PGBD5: variants seen among roughly 807,000 people sequenced by gnomAD.
PGBD5 encodes the protein piggyBac transposable element derived 5, also known as piggyBac transposable element-derived protein 5.
In PGBD5, 14 loss-of-function variants were observed where a neutral mutation model predicts 47.9. That is an observed-to-expected ratio of 0.29 (90% CI 0.19 to 0.46). The LOEUF is 0.46. Ranked by LOEUF, PGBD5 falls within the 20% of genes least tolerant of loss-of-function variation. The pLI is 1.00. For missense variants in PGBD5, 635 were observed against 716.0 expected (o/e 0.89, Z 1.29); for synonymous variants, 316 against 306.3 (o/e 1.03, Z -0.33).
rs778876676 is a variant in PGBD5 at position 230,332,992 on chromosome 1, G to A, written c.1125C>T (p.Gly375=). The part of the protein sequence containing the change: ...LLRARKSDCT[G]LPLSMLTNPA... ...GGTTGGTCAGCATGGACAGTGGGAG[G>A]CCGGTGCAGTCACTCTTCCGCGCGC... The change falls in exon 5 of 7, where the codon GGC becomes GGT. Residue 375 remains glycine (G), a synonymous_variant. Transcript: ENST00000391860. 3.1e-6 allele frequency: 5 copies of A among 1,613,076 alleles called. No homozygotes were observed. The highest frequency in any genetic ancestry group is 2.7e-5 in the African/African-American group (2 of 74,932).
At chr1:230,367,244 G>C (rs1313902289) in intron 1 of PGBD5, among the ~76,000 whole-genome samples, 1 of 152,034 alleles carries the variant, frequency 6.6e-6, no homozygotes, top group Non-Finnish European at 1.5e-5. Flanking sequence ...GCCTCCTCTT[G>C]TTCACTGGGC....
chr1:230,375,252 T>C (rs1053433602), intron 1 of PGBD5, among the ~76,000 whole-genome samples: 5 of 152,218 alleles, frequency 3.3e-5, no homozygotes, highest in Non-Finnish European at 5.9e-5. Context: ...CACTTGTTTG[T>C]CCTTTCCATT....
intron 5 of PGBD5, among the ~76,000 whole-genome samples, chr1:230,332,031 A>C (rs1667226792): frequency 4.1e-5 from 6 of 146,332 alleles, no homozygotes; most frequent in Non-Finnish European, 7.5e-5. Context: ...CACACCACAC[A>C]CACACCACAC....
chr1:230,424,246 G>A (rs1220846474), intron 1 of PGBD5, among the ~76,000 whole-genome samples: 6 of 152,178 alleles, frequency 3.9e-5, no homozygotes, highest in Non-Finnish European at 8.8e-5. Context: ...AGGGCCAGGA[G>A]ACCTTAATGA....
At chr1:230,337,069 G>T (rs751932501) in intron 4 of PGBD5, 39 bp downstream of exon 4, 16 of 1,597,542 alleles carry the variant, frequency 1.0e-5, no homozygotes, top group East Asian at 2.2e-5. Flanking sequence ...TCCCAGGGGA[G>T]GCTGGGCCGT....
intron 3 of PGBD5, among the ~76,000 whole-genome samples, chr1:230,346,772 C>T (rs1412706002): frequency 1.3e-5 from 2 of 152,084 alleles, no homozygotes; most frequent in Non-Finnish European, 2.9e-5. Flanking sequence ...TGTAGTCCTG[C>T]GACGTACAGA....
chr1:230,335,028 G>C (rs1461961162), intron 4 of PGBD5, among the ~76,000 whole-genome samples: 3 of 142,074 alleles, frequency 2.1e-5, no homozygotes, highest in African/African-American at 7.6e-5. Flanking sequence ...ACTCGACACA[G>C]ACACACACAC....
intron 1 of PGBD5, among the ~76,000 whole-genome samples, chr1:230,366,438 T>A (rs1667835171): frequency 6.6e-6 from 1 of 152,204 alleles, no homozygotes; most frequent in Non-Finnish European, 1.5e-5. Flanking sequence ...TTTTCACTGG[T>A]AACTTGCCTA....
intron 1 of PGBD5, among the ~76,000 whole-genome samples, chr1:230,359,314 T>C (rs1016280788): frequency 3.3e-5 from 5 of 152,228 alleles, no homozygotes; most frequent in African/African-American, 9.6e-5. Flanking sequence ...TTGGCCCGCC[T>C]TGGCCTCCCA....
At chr1:230,419,418 G>A (rs1235056726) in intron 1 of PGBD5, among the ~76,000 whole-genome samples, 1 of 136,636 alleles carries the variant, frequency 7.3e-6, no homozygotes, top group Non-Finnish European at 1.6e-5. Context: ...AGGAGGGAGG[G>A]AGGGGAGCAA....
chr1:230,397,084 C>A (rs1465751974), intron 1 of PGBD5, among the ~76,000 whole-genome samples: 2 of 152,164 alleles, frequency 1.3e-5, no homozygotes, highest in African/African-American at 4.8e-5. Flanking sequence ...CTCTCTGTGA[C>A]CCGATTCCAA....
intron 1 of PGBD5, among the ~76,000 whole-genome samples, chr1:230,390,741 GT>G (rs915403950): frequency 1.3e-5 from 2 of 151,826 alleles, no homozygotes; most frequent in East Asian, 1.9e-4. Context: ...CTCATTGCCA[GT>G]TTTTTTTGTT....
intron 1 of PGBD5, among the ~76,000 whole-genome samples, chr1:230,389,052 G>GC (rs1656721381): frequency 6.6e-6 from 1 of 152,234 alleles, no homozygotes; most frequent in African/African-American, 2.4e-5. Context: ...GACCGCTGCT[G>GC]CAAGGAGACA....
At chr1:230,362,989 C>T (rs995805710) in intron 1 of PGBD5, among the ~76,000 whole-genome samples, 14 of 152,216 alleles carry the variant, frequency 9.2e-5, no homozygotes, top group Non-Finnish European at 1.6e-4. Flanking sequence ...AGGATGCCCA[C>T]GCCATCTAGG....
At chr1:230,378,760 G>A (rs527538036) in intron 1 of PGBD5, among the ~76,000 whole-genome samples, 1 of 152,304 alleles carries the variant, frequency 6.6e-6, no homozygotes, top group Non-Finnish European at 1.5e-5. Flanking sequence ...CCTGAAATGG[G>A]CAAAGACCAT....
intron 3 of PGBD5, among the ~76,000 whole-genome samples, chr1:230,344,313 AG>A (rs1181510486): frequency 6.6e-6 from 1 of 152,032 alleles, no homozygotes; most frequent in African/African-American, 2.4e-5. Flanking sequence ...TGAGATCTAG[AG>A]TCAGAATGGC....
At chr1:230,413,661 C>T (rs755952074) in intron 1 of PGBD5, among the ~76,000 whole-genome samples, 3 of 152,060 alleles carry the variant, frequency 2.0e-5, no homozygotes, top group Non-Finnish European at 1.5e-5. Flanking sequence ...CCCTTGGTAC[C>T]ATCTGCATCT....
rs770405829 is a variant in PGBD5 at position 230,357,014 on chromosome 1, C to T, written c.639G>A (p.Lys213=). 13 of 1,614,062 alleles carry T rather than the reference C, an allele frequency of 8.1e-6. No individual in the cohort carries two copies. The South Asian group carries it at 8.8e-5, about 11-fold the overall frequency. The part of the protein sequence containing the change: ...MSQARFEKIL[K]YFHVVAFRSS... ...AGCGGAAGGCCACGACGTGGAAGTA[C>T]TTGAGGATCTTCTCGAAGCGGGCCT... The change falls in exon 2 of 7, where the codon AAG becomes AAA. Residue 213 remains lysine (K), a synonymous_variant. Coordinates refer to ENST00000391860, the MANE Select transcript of PGBD5 (RefSeq NM_001258311.2). The surrounding 1 kb of genome is among the most constrained non-coding windows in gnomAD (Gnocchi z 5.7).
intron 5 of PGBD5, among the ~76,000 whole-genome samples, chr1:230,329,634 CTT>C (rs906412083): frequency 7.2e-5 from 11 of 152,340 alleles, no homozygotes; most frequent in Admixed American, 2.0e-4. Flanking sequence ...GCCTCAGCCT[CTT>C]GAGTAGCTCA....
Sources: gnomAD v4.1 joint callset for allele counts (sites outside exome capture counted in the v4.1 genomes callset) on GRCh38, gnomAD v4.1.1 for gene constraint, Gnocchi (gnomAD v3.1) non-coding constraint, MANE v1.5 for transcripts, NCBI Gene and HGNC (gene_info 2026-07-23, HGNC 2026-07-21) for gene names.